ARHGAP6: variants seen among roughly 807,000 people sequenced by gnomAD.
ARHGAP6 encodes the protein rho GTPase-activating protein 6.
A neutral mutation model predicts 55.7 loss-of-function variants in ARHGAP6; 16 were observed. The ratio of observed to expected loss-of-function variants is 0.29; its 90% CI spans 0.19 to 0.44. ARHGAP6 has a LOEUF of 0.44. Among genes scored for constraint, ARHGAP6 ranks in the 20% least tolerant of loss-of-function variants. The pLI, the probability that ARHGAP6 is intolerant of heterozygous loss-of-function variation, is 1.00. For synonymous variants in ARHGAP6, 382 were observed against 360.9 expected, an observed-to-expected ratio of 1.06 and a Z score of -0.66; for missense variants, 698 against 808.9, an observed-to-expected ratio of 0.86 and a Z score of 1.66.
intron 11 of ARHGAP6, 86 bp downstream of exon 11, chrX:11,143,894 G>A (rs774747778): frequency 8.3e-7 from 1 of 1,202,554 alleles, no homozygotes; most frequent in African/African-American, 1.8e-5. Context: ...ACGAAGAGAA[G>A]GTCCGAAGAG....
intron 1 of ARHGAP6, among the ~76,000 whole-genome samples, chrX:11,365,487 T>A (rs763063812): frequency 8.9e-6 from 1 of 112,583 alleles, no homozygotes; most frequent in East Asian, 2.8e-4. Flanking sequence ...AGAAGATCAA[T>A]CAATTCTTAT....
intron 6 of ARHGAP6, among the ~76,000 whole-genome samples, chrX:11,181,425 C>A (rs2046312657): frequency 1.8e-5 from 2 of 112,051 alleles, no homozygotes; most frequent in Non-Finnish European, 3.8e-5. Context: ...CCTTCACCAA[C>A]AAATGAACTC....
At chrX:11,538,410 C>T (rs897346339) in intron 1 of ARHGAP6, among the ~76,000 whole-genome samples, 6 of 111,255 alleles carry the variant, frequency 5.4e-5, no homozygotes, top group Non-Finnish European at 1.1e-4. Context: ...TTTCCTGGCC[C>T]TTTATGGCTG....
chrX:11,174,628 TTTCTTTCTTTCTTTC>T (rs2046166680), intron 8 of ARHGAP6, among the ~76,000 whole-genome samples: 3 of 10,736 alleles, frequency 2.8e-4, no homozygotes, highest in Non-Finnish European at 5.0e-4. Flanking sequence ...CTTTCTTTTC[TTTCTTTCTTTCTTTC>T]TTTCTTTCTT....
rs186809437 is a variant in ARHGAP6, at chrX:11,632,778, A to T, written c.588+31463T>A. On this transcript the variant is annotated intron_variant, in intron 1 of 12. Transcript: ENST00000337414. The stretch of plus-strand genomic sequence containing the variant: ...TGCCCTGCCATATGTAGTTTAAAAC[A>T]TGCTGTAATGGGCACTGCTGGTAGC... Among the ~76,000 whole-genome samples the T allele has an allele frequency of 2.2e-4, 25 of 112,535 alleles. No homozygotes were observed. In the East Asian group the frequency reaches 7.0e-3, roughly 32 times the overall value.
At chrX:11,645,186 G>C (rs1450798445) in intron 1 of ARHGAP6, among the ~76,000 whole-genome samples, 1 of 111,517 alleles carries the variant, frequency 9.0e-6, no homozygotes, top group Non-Finnish European at 1.9e-5. Flanking sequence ...GGGCAGGTTA[G>C]GAATGATAAA....
chrX:11,646,834 T>C (rs1334560962), intron 1 of ARHGAP6, among the ~76,000 whole-genome samples: 1 of 112,578 alleles, frequency 8.9e-6, no homozygotes, highest in East Asian at 2.8e-4. Flanking sequence ...CATGAATATC[T>C]GATTTAATCT....
intron 1 of ARHGAP6, among the ~76,000 whole-genome samples, chrX:11,329,691 G>A (rs1300304194): frequency 9.0e-6 from 1 of 111,709 alleles, no homozygotes; most frequent in Non-Finnish European, 1.9e-5. Flanking sequence ...CATACAAAGA[G>A]TTACATACAA....
chrX:11,569,868 A>C (rs1335696185), intron 1 of ARHGAP6, among the ~76,000 whole-genome samples: 18 of 112,148 alleles, frequency 1.6e-4, no homozygotes, highest in Non-Finnish European at 3.0e-4. Flanking sequence ...TCTTCCCTCC[A>C]TGGCATTTAT....
chrX:11,177,536 T>A (rs933683447), intron 8 of ARHGAP6, among the ~76,000 whole-genome samples: 1 of 111,220 alleles, frequency 9.0e-6, no homozygotes, highest in Non-Finnish European at 1.9e-5. Flanking sequence ...CACACCTGGT[T>A]TGGAAGCAGG....
chrX:11,567,566 A>AAAAAATATATATAT (rs1440758737), intron 1 of ARHGAP6, among the ~76,000 whole-genome samples: 8 of 84,411 alleles, frequency 9.5e-5, no homozygotes, highest in African/African-American at 3.3e-4. Context: ...AAAAAAAAAA[A>AAAAAATATATATAT]ATATATATAT....
intron 1 of ARHGAP6, among the ~76,000 whole-genome samples, chrX:11,524,793 A>G (rs1262296269): frequency 1.8e-5 from 2 of 111,420 alleles, no homozygotes; most frequent in Non-Finnish European, 3.8e-5. Flanking sequence ...TGTAATATAT[A>G]ATAAAATAAT....
At chrX:11,195,959 CAAAAAAAAAAAAAAAA>C (rs1024986729) in intron 3 of ARHGAP6, among the ~76,000 whole-genome samples, 39 of 8,415 alleles carry the variant, frequency 4.6e-3, no homozygotes, top group African/African-American at 0.011. Flanking sequence ...ACTAAAAATA[CAAAAAAAAAAAAAAAA>C]AAAAAAAAAA....
At chrX:11,361,034 C>T (rs1229739633) in intron 1 of ARHGAP6, among the ~76,000 whole-genome samples, 1 of 111,060 alleles carries the variant, frequency 9.0e-6, no homozygotes, top group African/African-American at 3.3e-5. Context: ...ACATTCCATG[C>T]TCATGGGTAG....
intron 1 of ARHGAP6, among the ~76,000 whole-genome samples, chrX:11,626,485 C>A (rs1052564775): frequency 3.6e-5 from 4 of 111,645 alleles, no homozygotes; most frequent in Admixed American, 2.8e-4. Flanking sequence ...ATGAGAACTA[C>A]CTGACAATGA....
intron 1 of ARHGAP6, among the ~76,000 whole-genome samples, chrX:11,290,092 T>C (rs1468335229): frequency 1.8e-5 from 2 of 112,042 alleles, no homozygotes; most frequent in Non-Finnish European, 1.9e-5. Context: ...GGATAATAGA[T>C]TCTAGCGCTT....
At chrX:11,613,694 T>A (rs1350072648) in intron 1 of ARHGAP6, among the ~76,000 whole-genome samples, 2 of 112,196 alleles carry the variant, frequency 1.8e-5, no homozygotes, top group Non-Finnish European at 3.8e-5. Flanking sequence ...ATCAATCCCA[T>A]CATTCTTCTG....
At position 11,387,878 on chromosome X, in the gene ARHGAP6, T is replaced by C. The variant is rs1322834451; in HGVS notation, c.589-133171A>G. Among the ~76,000 whole-genome samples the C allele has an allele frequency of 4.5e-5, 5 of 111,971 alleles. No homozygotes were observed. In the East Asian group the frequency reaches 1.4e-3, roughly 31 times the overall value. The stretch of plus-strand genomic sequence containing the variant: ...TTCATCCATGTCCCTACAAAGGACA[T>C]GAACTCATTGTTTTTTATGGCTGCA... On this transcript the variant is annotated intron_variant, in intron 1 of 12. Transcript: ENST00000337414.
intron 1 of ARHGAP6, among the ~76,000 whole-genome samples, chrX:11,653,933 A>G (rs1039988354): frequency 9.2e-6 from 1 of 108,324 alleles, no homozygotes; most frequent in African/African-American, 3.3e-5. Flanking sequence ...ACTGGCGTGC[A>G]TTCTACAAAT....
Sources: allele counts gnomAD v4.1 joint callset (sites outside exome capture counted in the v4.1 genomes callset), GRCh38; gene constraint gnomAD v4.1.1; transcripts MANE v1.5; gene names NCBI Gene and HGNC (gene_info 2026-07-23, HGNC 2026-07-21).